AMPH: variants seen among roughly 807,000 people sequenced by gnomAD.
The protein encoded by AMPH is amphiphysin.
In AMPH, 49 loss-of-function variants were observed where a neutral mutation model predicts 99.1. The observed-to-expected ratio is 0.49, with a 90% CI of 0.39 to 0.63. The LOEUF is 0.63. Among genes scored for constraint, AMPH ranks in the 20% least tolerant of loss-of-function variants. AMPH has a pLI of 0.00. For missense variants in AMPH, 759 were observed against 863.4 expected, an observed-to-expected ratio of 0.88 and a Z score of 1.52; for synonymous variants, 314 against 317.3, an observed-to-expected ratio of 0.99 and a Z score of 0.11.
chr7:38,494,502 G>A lies in AMPH; in HGVS notation c.231C>T (p.Leu77=), dbSNP rs755202992. 1.2e-6 allele frequency: 2 copies of A among 1,613,894 alleles called. No homozygotes were observed. Among genetic ancestry groups the A allele is most frequent in the East Asian group, 4.5e-5 (2 of 44,852 alleles). ...CATAGACTTCATGCAGCGACTCTGT[G>A]AGCTTCATGGAGGCCTCCTGCATGC... The part of the protein sequence containing the change: ...IKGMQEASMK[L]TESLHEVYEP... The change falls in exon 4 of 21, where the codon CTC becomes CTT. Residue 77 remains leucine (L), a synonymous_variant. Transcript: ENST00000356264.
chr7:38,387,781 C>T (rs1409953759), intron 20 of AMPH, among the ~76,000 whole-genome samples: 1 of 149,266 alleles, frequency 6.7e-6, no homozygotes, highest in Non-Finnish European at 1.5e-5. Flanking sequence ...AGTATGAAGA[C>T]CATAAAAAAA....
chr7:38,503,252 T>C (rs1284931285), intron 3 of AMPH, among the ~76,000 whole-genome samples: 2 of 152,142 alleles, frequency 1.3e-5, no homozygotes, highest in Non-Finnish European at 1.5e-5. Flanking sequence ...TTTGCCACCA[T>C]GTCTTGCCCC....
intron 1 of AMPH, among the ~76,000 whole-genome samples, chr7:38,593,591 C>T (rs1792937451): frequency 6.6e-6 from 1 of 152,198 alleles, no homozygotes. Flanking sequence ...TGCTGCATTA[C>T]TTGATAGCTT....
chr7:38,538,540 C>G (rs1055191621), intron 1 of AMPH, among the ~76,000 whole-genome samples: 23 of 152,058 alleles, frequency 1.5e-4, no homozygotes, highest in Admixed American at 1.5e-3. Context: ...CCATGGAGAG[C>G]CAATGAAGTG....
rs373362115 is a variant in AMPH, at chr7:38,494,545, C to T, written c.206-18G>A. On this transcript the variant is annotated intron_variant, in intron 3 of 20. Coordinates refer to ENST00000356264, the MANE Select transcript of AMPH (RefSeq NM_001635.4). ...CTGCATGCCTAGTGTTGGAGAGAAA[C>T]AACTCCCGTTACACAGAAATGAGTG... 1.9e-6 allele frequency: 3 copies of T among 1,605,246 alleles called. No homozygotes were observed. The highest frequency in any genetic ancestry group is 2.7e-5 in the African/African-American group (2 of 74,762).
chr7:38,391,817 C>T lies in AMPH; in HGVS notation c.1809G>A (p.Met603Ile), dbSNP rs1012193424. Residue 603 changes from methionine to isoleucine, a missense_variant, in exon 19 of 21, where the codon ATG becomes ATA. By Grantham distance (10) the Met-to-Ile change is conservative (BLOSUM62 1). Coordinates refer to ENST00000356264, the MANE Select transcript of AMPH (RefSeq NM_001635.4). ...CAGATGCTAGCTGGTCAGCAGCCCCCATGGCTGGTGCAGAAGGCGTGGGCT... is the reference window on the plus strand; with the variant it reads ...CAGATGCTAGCTGGTCAGCAGCCCCTATGGCTGGTGCAGAAGGCGTGGGCT... ...DPQPTPSAPA[M>I]GAADQLASAR... is the part of the protein sequence containing the mutation. The T allele has an allele frequency of 2.5e-6, 4 of 1,613,962 alleles. No individual in the cohort carries two copies. The East Asian group carries it at 8.9e-5, about 36-fold the overall frequency.
At chr7:38,486,123 T>C (rs1788481532) in intron 5 of AMPH, among the ~76,000 whole-genome samples, 1 of 148,036 alleles carries the variant, frequency 6.8e-6, no homozygotes, top group Non-Finnish European at 1.5e-5. Flanking sequence ...GAAATAAAGA[T>C]TAGAAAAACA....
At chr7:38,459,432 C>T (rs957661146) in intron 11 of AMPH, among the ~76,000 whole-genome samples, 2 of 152,098 alleles carry the variant, frequency 1.3e-5, no homozygotes, top group Admixed American at 6.6e-5. Context: ...CATCACATTA[C>T]CTGACTTCTA....
intron 1 of AMPH, among the ~76,000 whole-genome samples, chr7:38,613,462 C>A (rs1314799749): frequency 6.6e-6 from 1 of 152,172 alleles, no homozygotes; most frequent in Non-Finnish European, 1.5e-5. Context: ...CCTGACAATG[C>A]TTCCAAGGAG....
intron 1 of AMPH, among the ~76,000 whole-genome samples, chr7:38,578,344 T>C (rs967234745): frequency 3.3e-5 from 5 of 152,194 alleles, no homozygotes; most frequent in Admixed American, 6.5e-5. Flanking sequence ...TAAAAATACA[T>C]GCAATATTTG....
intron 1 of AMPH, among the ~76,000 whole-genome samples, chr7:38,598,034 T>C (rs1401763957): frequency 2.6e-5 from 4 of 152,222 alleles, no homozygotes; most frequent in Non-Finnish European, 4.4e-5. Flanking sequence ...GCTGGGGTCA[T>C]TTTTTCTTCA....
At chr7:38,587,442 A>T (rs903975954) in intron 1 of AMPH, among the ~76,000 whole-genome samples, 1 of 152,212 alleles carries the variant, frequency 6.6e-6, no homozygotes, top group African/African-American at 2.4e-5. Flanking sequence ...TCCAGGTAAT[A>T]AAAGGCTCTC....
intron 1 of AMPH, among the ~76,000 whole-genome samples, chr7:38,591,904 C>A (rs952014370): frequency 1.3e-5 from 2 of 152,150 alleles, no homozygotes; most frequent in African/African-American, 4.8e-5. Context: ...CCTAACCCAG[C>A]AGCGCTAGAG....
At chr7:38,576,260 A>G (rs1304262002) in intron 1 of AMPH, among the ~76,000 whole-genome samples, 2 of 152,194 alleles carry the variant, frequency 1.3e-5, no homozygotes, top group Non-Finnish European at 2.9e-5. Context: ...TGAACAAACA[A>G]AACAAAACAA....
At chr7:38,507,768 T>C (rs1323650404) in intron 2 of AMPH, among the ~76,000 whole-genome samples, 1 of 152,230 alleles carries the variant, frequency 6.6e-6, no homozygotes, top group African/African-American at 2.4e-5. Flanking sequence ...TATCATTTTC[T>C]ACAAGACATC....
chr7:38,446,460 C>T (rs1289266241), intron 11 of AMPH, among the ~76,000 whole-genome samples: 1 of 148,336 alleles, frequency 6.7e-6, no homozygotes, highest in African/African-American at 2.5e-5. Context: ...GAATACTACT[C>T]AATAAGGAGG....
chr7:38,536,636 T>C (rs1010222487), intron 1 of AMPH, among the ~76,000 whole-genome samples: 3 of 152,202 alleles, frequency 2.0e-5, no homozygotes, highest in Non-Finnish European at 4.4e-5. Flanking sequence ...AATTATACAA[T>C]ATCACTCAAT....
chr7:38,597,309 T>C (rs1793094369), intron 1 of AMPH, among the ~76,000 whole-genome samples: 1 of 152,014 alleles, frequency 6.6e-6, no homozygotes, highest in South Asian at 2.1e-4. Flanking sequence ...ATGAAAGTTA[T>C]ATTATGTTAA....
intron 15 of AMPH, among the ~76,000 whole-genome samples, chr7:38,423,866 C>T (rs1433277984): frequency 6.6e-6 from 1 of 152,168 alleles, no homozygotes; most frequent in Non-Finnish European, 1.5e-5. Context: ...ACATCCTTGC[C>T]TACCCTAGCA....
Sources: gnomAD v4.1 joint callset for allele counts (sites outside exome capture counted in the v4.1 genomes callset) on GRCh38, gnomAD v4.1.1 for gene constraint, MANE v1.5 for transcripts, NCBI Gene and HGNC (gene_info 2026-07-23, HGNC 2026-07-21) for gene names.